The following AARS2 variants were observed in gnomAD, a reference collection of about 807,000 sequenced individuals.
AARS2 encodes the protein alanyl-tRNA synthetase 2, mitochondrial.
AARS2 carries 78 observed loss-of-function variants against 119.7 expected under a neutral mutation model. The ratio of observed to expected loss-of-function variants is 0.65; its 90% CI spans 0.54 to 0.79. The LOEUF is 0.79. Ranked by LOEUF, AARS2 falls within the 30% of genes least tolerant of loss-of-function variation. AARS2 has a pLI of 0.00. For synonymous variants in AARS2, 502 were observed against 526.3 expected, an observed-to-expected ratio of 0.95 and a Z score of 0.63; for missense variants, 1,157 against 1,291.3, an observed-to-expected ratio of 0.90 and a Z score of 1.59.
At chr6:44,300,949 G>T in intron 21 of AARS2, 2 of 710,806 alleles carry the variant, frequency 2.8e-6, no homozygotes, top group Non-Finnish European at 2.3e-6. Flanking sequence ...GGAGGGGTTA[G>T]GAATTAAGGA....
In AARS2 at chr6:44,305,772, A is replaced by C; in HGVS notation, c.1315T>G (p.Ser439Ala). The C allele has an allele frequency of 1.2e-6, 2 of 1,614,140 alleles. No homozygotes were observed. Among genetic ancestry groups the C allele is most frequent in the Non-Finnish European group, 1.7e-6 (2 of 1,179,992 alleles). ...SDMFPAEVAW[S>A]LSLCGDLGLP... is the part of the protein sequence containing the mutation. ...CCCAGGTCTCCACACAGTGACAAGG[A>C]CCAGGCCACTTCAGCTTTGAGAAAG... Residue 439 changes from serine (S) to alanine (A), a missense_variant, in exon 10 of 22, where the codon TCC becomes GCC. Ser to Ala is a moderately conservative substitution (Grantham distance 99, BLOSUM62 1). Transcript: ENST00000244571. The surrounding 1 kb of genome is among the most constrained non-coding windows in gnomAD (Gnocchi z 4.6).
At chr6:44,308,909 C>G (rs1333668242) in intron 5 of AARS2, among the ~76,000 whole-genome samples, 1 of 152,178 alleles carries the variant, frequency 6.6e-6, no homozygotes, top group African/African-American at 2.4e-5. Context: ...GCCCTGAGAA[C>G]TCTTCTCACC....
intron 7 of AARS2, 64 bp downstream of exon 7, chr6:44,306,859 C>T: frequency 6.7e-7 from 1 of 1,490,290 alleles, no homozygotes; most frequent in Non-Finnish European, 9.4e-7. Flanking sequence ...ACTGTCTAGG[C>T]TCAGTGGTAG....
At position 44,302,784 on chromosome 6, in the gene AARS2, G is replaced by T. The variant is rs1230492257; in HGVS notation, c.2364+18C>A. 1.2e-6 allele frequency: 2 copies of T among 1,608,630 alleles called. No homozygotes were observed. The highest frequency in any genetic ancestry group is 8.5e-7 in the Non-Finnish European group (1 of 1,177,162). ...CACCCACTCAACCCAGAAGTCCCAG[G>T]CCTACTGGCATGCTGACCTGCTGGG... On this transcript the variant is annotated intron_variant, in intron 17 of 21. Coordinates refer to ENST00000244571, the MANE Select transcript of AARS2 (RefSeq NM_020745.4).
Position 44,303,720 on chromosome 6 carries a change from G to A in AARS2, c.2008-297C>T, listed in dbSNP as rs76553603. On this transcript the variant is annotated intron_variant, in intron 14 of 21. Coordinates refer to ENST00000244571, the MANE Select transcript of AARS2 (RefSeq NM_020745.4). ...TTACAAGGGGTAGCCCAATGGAAGA[G>A]AGAACTACAGGATGGGGGGATGCAG... 0.015 allele frequency among the ~76,000 whole-genome samples: 2,357 copies of A among 152,314 alleles called. 67 individuals carry two copies. Among genetic ancestry groups the A allele is most frequent in the African/African-American group, 0.054 (2,235 of 41,550 alleles).
intron 1 of AARS2, 140 bp from the exon 2 acceptor site, chr6:44,312,403 T>C (rs1786442860): frequency 7.0e-6 from 6 of 857,846 alleles, no homozygotes; most frequent in Non-Finnish European, 1.1e-5. Flanking sequence ...TCTTGGTCTA[T>C]GAGGACAAAC....
chr6:44,311,007 T>A lies in AARS2; in HGVS notation c.736A>T (p.Met246Leu), dbSNP rs1487482795. Residue 246 changes from methionine (M) to leucine (L), a missense_variant, in exon 4 of 22, where the codon ATG (methionine) becomes TTG (leucine). By Grantham distance (15) the Met-to-Leu change is conservative. Coordinates refer to ENST00000244571, the MANE Select transcript of AARS2 (RefSeq NM_020745.4). ...QLVELWNLVFMQHNREADGSL... is the reference protein window; with the variant it reads ...QLVELWNLVFLQHNREADGSL... ...GCACCCTATTACCTGTTGTGTTGCA[T>A]GAAGACCAGGTTCCAAAGCTCTACC... 6.2e-7 allele frequency: 1 copy of A among 1,613,872 alleles called. No homozygotes were observed. Among genetic ancestry groups the A allele is most frequent in the African/African-American group, 1.3e-5 (1 of 74,942 alleles).
At chr6:44,311,576 T>C in intron 2 of AARS2, 41 bp from the exon 3 acceptor site, 3 of 1,609,630 alleles carry the variant, frequency 1.9e-6, no homozygotes, top group Non-Finnish European at 2.5e-6. Context: ...GGAAGACGGG[T>C]GAGAGGGAGA....
intron 18 of AARS2, 38 bp downstream of exon 18, chr6:44,302,353 G>A (rs1785432459): frequency 1.9e-6 from 3 of 1,613,916 alleles, no homozygotes; most frequent in Non-Finnish European, 1.7e-6. Flanking sequence ...GGAGGTAATA[G>A]GGCTAGGAGA....
In AARS2 at chr6:44,306,477, C is replaced by A; in HGVS notation, c.1188+17G>T. On this transcript the variant is annotated intron_variant, in intron 8 of 21. Transcript: ENST00000244571. ...ACTCTCCCATCAACCCCTTTCTCTC[C>A]CACTGGAATCCAGTACCTGGGCTGA... 1 of 1,614,198 alleles carries A rather than the reference C, an allele frequency of 6.2e-7. No homozygotes were observed. The highest frequency in any genetic ancestry group is 8.5e-7 in the Non-Finnish European group (1 of 1,180,026).
chr6:44,298,736 G>A lies in AARS2; in HGVS notation c.*1811C>T, dbSNP rs546498237. On this transcript the variant is annotated 3_prime_UTR_variant, in exon 22 of 22. Coordinates refer to ENST00000244571, the MANE Select transcript of AARS2 (RefSeq NM_020745.4). Reference sequence around the variant, plus strand: ...GATGCCAGGCGGGCCCACGCTGCTCGAATAATTTTTACTAGACAGAATTTG... The same window carrying A: ...GATGCCAGGCGGGCCCACGCTGCTCAAATAATTTTTACTAGACAGAATTTG... 2.0e-4 allele frequency among the ~76,000 whole-genome samples: 30 copies of A among 152,340 alleles called. No homozygotes were observed. The East Asian group carries it at 3.7e-3, about 19-fold the overall frequency.
chr6:44,312,781 A>G (rs1228876668), intron 1 of AARS2, among the ~76,000 whole-genome samples: 1 of 152,218 alleles, frequency 6.6e-6, no homozygotes, highest in Non-Finnish European at 1.5e-5. Flanking sequence ...ACATTTAATG[A>G]AAGCGTTATC....
chr6:44,305,325 C>T lies in AARS2; in HGVS notation c.1435-127G>A. ...CTCTGCAGCCCTTCTGGAATAAGAA[C>T]TCAGGGCTTGGCTGGCTGCTAGAGC... On this transcript the variant is annotated intron_variant, in intron 10 of 21. Coordinates refer to ENST00000244571, the MANE Select transcript of AARS2 (RefSeq NM_020745.4). This position sits in a 1 kb window ranked among gnomAD's most constrained non-coding sequence, Gnocchi z 4.6. The T allele has an allele frequency of 6.9e-7, 1 of 1,453,072 alleles. No individual in the cohort carries two copies. The highest frequency in any genetic ancestry group is 9.4e-7 in the Non-Finnish European group (1 of 1,058,422). The allele number at this position is 1,453,072 out of a possible 1,614,324, so 90.0% of individuals were successfully genotyped here.
At chr6:44,304,556 G>A (rs768426837) in intron 12 of AARS2, 23 bp from the exon 13 acceptor site, 11 of 1,613,956 alleles carry the variant, frequency 6.8e-6, no homozygotes, top group Non-Finnish European at 6.8e-6. Flanking sequence ...AGTGGTCAAG[G>A]TGCCTGTAGC....
chr6:44,306,619 G>GAGTGA, intron 7 of AARS2, 87 bp from the exon 8 acceptor site: 16 of 1,462,426 alleles, frequency 1.1e-5, no homozygotes, highest in Non-Finnish European at 1.5e-5. Flanking sequence ...GAGGACACCT[G>GAGTGA]CCCTGGAGGC....
At chr6:44,309,707 G>A (rs1168661501) in intron 5 of AARS2, among the ~76,000 whole-genome samples, 1 of 152,112 alleles carries the variant, frequency 6.6e-6, no homozygotes. Context: ...TAGCCTGGGA[G>A]CCATCTTTGA....
Position 44,307,845 on chromosome 6 carries a change from C to T in AARS2, c.895-451G>A, listed in dbSNP as rs1785997107. 6.6e-6 allele frequency among the ~76,000 whole-genome samples: 1 copy of T among 151,384 alleles called. No homozygotes were observed. Among genetic ancestry groups the T allele is most frequent in the African/African-American group, 2.4e-5 (1 of 41,356 alleles). On this transcript the variant is annotated intron_variant, in intron 5 of 21. Coordinates refer to ENST00000244571, the MANE Select transcript of AARS2 (RefSeq NM_020745.4). This position sits in a 1 kb window ranked among gnomAD's most constrained non-coding sequence, Gnocchi z 4.4. ...CTCCACTACCTGTTCTTGCCTCTCC[C>T]ATCTTTTGTGGGGGTGGGCAGGGAG... is the stretch of plus-strand genomic sequence containing the variant.
At position 44,301,943 on chromosome 6, in the gene AARS2, C is replaced by G. The variant is rs325005; in HGVS notation, c.2598+117G>C. The G allele has an allele frequency of 0.95, 982,219 of 1,034,326 alleles. 469,352 individuals carry two copies. The highest frequency in any genetic ancestry group is 1 in the East Asian group (38,501 of 38,540). The allele number at this position is 1,034,326 out of a possible 1,614,324, so 64.1% of individuals were successfully genotyped here. ...CTCAGCTGGCAGGAGAAGGAAGCTG[C>G]CACCACCCCGTCCTTGCACAGCCTC... On this transcript the variant is annotated intron_variant, in intron 19 of 21. Coordinates refer to ENST00000244571, the MANE Select transcript of AARS2 (RefSeq NM_020745.4).
chr6:44,302,670 G>C, intron 17 of AARS2, 132 bp downstream of exon 17: 1 of 1,459,082 alleles, frequency 6.9e-7, no homozygotes, highest in Non-Finnish European at 9.4e-7. Context: ...GCCAATAGCT[G>C]ATATGGCCAC....
Sources: allele counts gnomAD v4.1 joint callset (sites outside exome capture counted in the v4.1 genomes callset), GRCh38; gene constraint gnomAD v4.1.1; non-coding constraint Gnocchi (gnomAD v3.1); transcripts MANE v1.5; gene names NCBI Gene and HGNC (gene_info 2026-07-23, HGNC 2026-07-21).